PRC1: variants seen among roughly 807,000 people sequenced by gnomAD.
PRC1 encodes the protein anaphase spindle elongation 1 homolog.
PRC1 carries 54 observed loss-of-function variants against 91.2 expected under a neutral mutation model. That is an observed-to-expected ratio of 0.59 (90% CI 0.48 to 0.74). PRC1 has a LOEUF of 0.74. Among genes scored for constraint, PRC1 ranks in the 30% least tolerant of loss-of-function variants. The probability of loss-of-function intolerance (pLI) is 0.00; values close to 1 mark genes in which losing one functional copy is unlikely to be tolerated. For synonymous variants in PRC1, 275 were observed against 263.6 expected, an observed-to-expected ratio of 1.04 and a Z score of -0.42; for missense variants, 727 against 746.2, an observed-to-expected ratio of 0.97 and a Z score of 0.30.
intron 1 of PRC1, among the ~76,000 whole-genome samples, chr15:90,986,961 G>A (rs2039624099): frequency 6.6e-6 from 1 of 151,622 alleles, no homozygotes; most frequent in Non-Finnish European, 1.5e-5. Flanking sequence ...ATGTGATTCC[G>A]TTGACAGAGA....
intron 1 of PRC1, among the ~76,000 whole-genome samples, chr15:90,991,680 C>A (rs1251332879): frequency 2.0e-5 from 3 of 152,006 alleles, no homozygotes; most frequent in African/African-American, 7.3e-5. Flanking sequence ...CCGCCATTAG[C>A]ATTATCTACA....
At chr15:90,967,260 C>A in intron 14 of PRC1, 58 bp from the exon 15 acceptor site, 1 of 1,457,994 alleles carries the variant, frequency 6.9e-7, no homozygotes. Context: ...ATGGCCCACC[C>A]TTCTAAGTTT....
At chr15:90,993,890 C>G (rs1316666553) in intron 1 of PRC1, among the ~76,000 whole-genome samples, 1 of 151,798 alleles carries the variant, frequency 6.6e-6, no homozygotes, top group East Asian at 1.9e-4. Flanking sequence ...CGAGACCAGC[C>G]TGGCCAACAT....
chr15:90,984,894 G>C lies in PRC1; in HGVS notation c.12-69C>G. The stretch of plus-strand genomic sequence containing the variant: ...CCTCTGGACTAAAAGCACTATTTTC[G>C]AGAACTAAAAAGACTAGCTTCTCAG... On this transcript the variant is annotated intron_variant, in intron 1 of 14. Transcript: ENST00000394249. This position sits in a 1 kb window ranked among gnomAD's most constrained non-coding sequence, Gnocchi z 5.1. 6.4e-7 allele frequency: 1 copy of C among 1,569,764 alleles called. No individual in the cohort carries two copies. The highest frequency in any genetic ancestry group is 8.6e-7 in the Non-Finnish European group (1 of 1,159,952).
At chr15:90,971,121 C>T (rs2038085426) in intron 11 of PRC1, among the ~76,000 whole-genome samples, 1 of 152,182 alleles carries the variant, frequency 6.6e-6, no homozygotes. Flanking sequence ...TCCCTACTCG[C>T]CACAGCTAGA....
At chr15:90,967,814 C>T (rs902175669) in intron 14 of PRC1, 1 of 979,920 alleles carries the variant, frequency 1.0e-6, no homozygotes, top group Admixed American at 6.1e-5. Context: ...AGAACATATC[C>T]CTGTCATTAA....
intron 11 of PRC1, among the ~76,000 whole-genome samples, chr15:90,973,478 G>A (rs919740509): frequency 2.0e-5 from 3 of 152,122 alleles, no homozygotes; most frequent in African/African-American, 7.2e-5. Context: ...ATATGGCCTC[G>A]TGGGAAGGGA....
rs778781996 is a variant in PRC1, at chr15:90,967,138, T to C, written c.1856A>G (p.Gln619Arg). Residue 619 changes from glutamine to arginine, a missense_variant, in exon 15 of 15, where the codon CAG becomes CGG. Coordinates refer to ENST00000394249, the MANE Select transcript of PRC1 (RefSeq NM_003981.4). ...TSGILNSTNI[Q>R]S Reference sequence around the variant, plus strand: ...TTGACTGATCAGGGCTTCTCAGGACTGGATGTTGGTTGAATTGAGGATTCC... The same window carrying C: ...TTGACTGATCAGGGCTTCTCAGGACCGGATGTTGGTTGAATTGAGGATTCC... 1.2e-6 allele frequency: 2 copies of C among 1,613,776 alleles called. No individual in the cohort carries two copies. The highest frequency in any genetic ancestry group is 1.6e-4 in the Middle Eastern group (1 of 6,062).
rs558894857 is a variant in PRC1, at chr15:90,981,938, C to T, written c.311G>A (p.Arg104His). 5.6e-6 allele frequency: 9 copies of T among 1,614,134 alleles called. No homozygotes were observed. In the East Asian group the frequency reaches 6.7e-5, roughly 12 times the overall value. ...TTTTCGCATCAATTCCACTTGGGTG[C>T]GCAAATCTTTTTCTAGTTGCAAGAT... Reference protein sequence around the residue: ...TTILQLEKDLRTQVELMRKQK... With the variant: ...TTILQLEKDLHTQVELMRKQK... Residue 104 changes from arginine (R) to histidine (H), a missense_variant, in exon 4 of 15, where the codon CGC becomes CAC. Coordinates refer to ENST00000394249, the MANE Select transcript of PRC1 (RefSeq NM_003981.4).
intron 1 of PRC1, among the ~76,000 whole-genome samples, chr15:90,990,009 A>G (rs1257885896): frequency 1.3e-5 from 2 of 151,970 alleles, no homozygotes; most frequent in Non-Finnish European, 2.9e-5. Context: ...GGGACTACAG[A>G]TGTGAGCCAC....
chr15:90,979,293 C>A lies in PRC1; in HGVS notation c.972G>T (p.Glu324Asp). The A allele has an allele frequency of 6.2e-7, 1 of 1,612,434 alleles. No individual in the cohort carries two copies. Among genetic ancestry groups the A allele is most frequent in the Non-Finnish European group, 8.5e-7 (1 of 1,179,542 alleles). ...GCTGGAGCAGACTTTCTGTGTAGTC[C>A]TCTGCAAAATATAGGCCCAGTAGTT... Reference protein sequence around the residue: ...QRQAFAPFCAEDYTESLLQLH... With the variant: ...QRQAFAPFCADDYTESLLQLH... Residue 324 changes from glutamate to aspartate, a missense_variant and splice_region_variant, in exon 8 of 15, where the codon GAG (glutamate) becomes GAT (aspartate). Glu to Asp is a conservative substitution (Grantham distance 45). Transcript: ENST00000394249.
Position 90,967,079 on chromosome 15 carries a change from T to C in PRC1, c.*52A>G. On this transcript the variant is annotated 3_prime_UTR_variant, in exon 15 of 15. Transcript: ENST00000394249. ...AAAACTAAAGTCACCCCCATATAAT[T>C]AGGTCCAGTCTAGGCACAGGAAGCC... 1 of 1,506,584 alleles carries C rather than the reference T, an allele frequency of 6.6e-7. No individual in the cohort carries two copies. The highest frequency in any genetic ancestry group is 9.2e-7 in the Non-Finnish European group (1 of 1,084,594). 93.3% of individuals were successfully genotyped at this position (1,506,584 alleles called of 1,614,324 possible). A position where few individuals can be genotyped will look rare whatever the true frequency, so the allele number is the denominator to read the frequency against.
intron 8 of PRC1, among the ~76,000 whole-genome samples, chr15:90,978,489 C>T (rs897250740): frequency 2.6e-5 from 4 of 152,122 alleles, no homozygotes; most frequent in African/African-American, 7.2e-5. Flanking sequence ...TGGTGGCTCA[C>T]GCCTGTGATC....
At chr15:90,994,376 C>T (rs746763139) in intron 1 of PRC1, 31 bp downstream of exon 1, 1 of 1,612,296 alleles carries the variant, frequency 6.2e-7, no homozygotes, top group Non-Finnish European at 8.5e-7. Context: ...CGCTCCCTCC[C>T]GCGTCCCCTC....
Position 90,981,565 on chromosome 15 carries a change from A to G in PRC1, c.606T>C (p.Cys202=), listed in dbSNP as rs376130262. 5 of 1,613,970 alleles carry G rather than the reference A, an allele frequency of 3.1e-6. No individual in the cohort carries two copies. The African/African-American group carries it at 6.7e-5, about 22-fold the overall frequency. ...ACAAACAAAAGGCATCTTCGTCTTC[A>G]CACACCACATCTCTTTCAAAGCTTG... The part of the protein sequence containing the change: ...PDTSFERDVV[C]EDEDAFCLSL... The change falls in exon 5 of 15, where the codon TGT becomes TGC. Residue 202 remains cysteine (C), a synonymous_variant. Coordinates refer to ENST00000394249, the MANE Select transcript of PRC1 (RefSeq NM_003981.4).
chr15:90,970,202 G>A (rs1320159712), intron 12 of PRC1, among the ~76,000 whole-genome samples: 1 of 152,068 alleles, frequency 6.6e-6, no homozygotes, highest in African/African-American at 2.4e-5. Flanking sequence ...GTACCAGTGG[G>A]GCTCAGAGTG....
rs546966821 is a variant in PRC1, at chr15:90,974,457, G to A, written c.1350+128C>T. On this transcript the variant is annotated intron_variant, in intron 10 of 14. Transcript: ENST00000394249. This position sits in a 1 kb window ranked among gnomAD's most constrained non-coding sequence, Gnocchi z 4.6. ...CCCCGTTCCACAAGCCCCGGTCCCCGGCTTCCCGTTCCACAAGCCCCGGTC... is the reference window on the plus strand; with the variant it reads ...CCCCGTTCCACAAGCCCCGGTCCCCAGCTTCCCGTTCCACAAGCCCCGGTC... 62 of 1,389,300 alleles carry A rather than the reference G, an allele frequency of 4.5e-5. No individual in the cohort carries two copies. The South Asian group carries it at 6.6e-4, about 15-fold the overall frequency. The allele number at this position is 1,389,300 out of a possible 1,614,324, so 86.1% of individuals were successfully genotyped here.
intron 3 of PRC1, 95 bp downstream of exon 3, chr15:90,983,923 C>A: frequency 6.7e-7 from 1 of 1,491,786 alleles, no homozygotes. Flanking sequence ...TCCATCCCTA[C>A]GAGGAAGCCT....
At chr15:90,994,035 T>C (rs2040141668) in intron 1 of PRC1, among the ~76,000 whole-genome samples, 2 of 152,264 alleles carry the variant, frequency 1.3e-5, no homozygotes, top group South Asian at 4.1e-4. Context: ...CAGCGGCACC[T>C]GAGACGCTGC....
Sources: allele counts gnomAD v4.1 joint callset (sites outside exome capture counted in the v4.1 genomes callset), GRCh38; gene constraint gnomAD v4.1.1; non-coding constraint Gnocchi (gnomAD v3.1); transcripts MANE v1.5; gene names NCBI Gene and HGNC (gene_info 2026-07-23, HGNC 2026-07-21).